RSRC2: variants seen among roughly 807,000 people sequenced by gnomAD.
RSRC2 encodes arginine and serine rich coiled-coil 2, also known as arginine/serine-rich coiled-coil protein 2.
A neutral mutation model predicts 61.3 loss-of-function variants in RSRC2; 5 were observed. The observed-to-expected ratio is 0.08, with a 90% confidence interval of 0.04 to 0.17. The LOEUF is 0.17. RSRC2 is among the 10% of genes least tolerant of loss of function. RSRC2 has a pLI of 1.00. For missense variants in RSRC2, 381 were observed against 518.8 expected (o/e 0.73, Z 2.58); for synonymous variants, 202 against 166.5 (o/e 1.21, Z -1.64).
At chr12:122,519,613 T>A (rs1226200396) in intron 3 of RSRC2, 1 of 153,910 alleles carries the variant, frequency 6.5e-6, no homozygotes, top group Non-Finnish European at 1.4e-5. Context: ...AGCAATCACT[T>A]TTCATCTTGC....
intron 9 of RSRC2, chr12:122,506,511 G>A (rs570777604): frequency 1.6e-4 from 34 of 218,564 alleles, no homozygotes; most frequent in African/African-American, 5.5e-4. Context: ...TTGAGAGGCC[G>A]AGGTGGAAGG....
At chr12:122,509,609 C>G (rs1426358655) in intron 7 of RSRC2, among the ~76,000 whole-genome samples, 1 of 151,958 alleles carries the variant, frequency 6.6e-6, no homozygotes, top group African/African-American at 2.4e-5. Flanking sequence ...TTTGTCAGTC[C>G]AGAATATAAC....
In RSRC2 at chr12:122,526,890, T is replaced by G; in HGVS notation, c.-37A>C. ...CCGGCCGCTAGAGCGGCGCCTCCAC[T>G]TGTCGCTTTCAACAGTACCGGCCGC... On this transcript the variant is annotated 5_prime_UTR_variant, in exon 1 of 10. Coordinates refer to ENST00000331738, the MANE Select transcript of RSRC2 (RefSeq NM_023012.6). 6.2e-7 allele frequency: 1 copy of G among 1,613,772 alleles called. No homozygotes were observed. The highest frequency in any genetic ancestry group is 2.2e-5 in the East Asian group (1 of 44,878).
intron 8 of RSRC2, chr12:122,507,359 G>A (rs1265893206): frequency 6.1e-6 from 1 of 165,214 alleles, no homozygotes; most frequent in Non-Finnish European, 1.3e-5. Flanking sequence ...TCCAGCCTGG[G>A]TGACAAGAGC....
chr12:122,508,529 A>C (rs1386639109), intron 7 of RSRC2, 82 bp from the exon 8 acceptor site: 6 of 1,139,742 alleles, frequency 5.3e-6, no homozygotes, highest in Non-Finnish European at 6.3e-6. Context: ...AACGATTTAT[A>C]AAAAGCTATG....
chr12:122,511,768 C>T (rs1958530124), intron 6 of RSRC2, among the ~76,000 whole-genome samples: 1 of 152,096 alleles, frequency 6.6e-6, no homozygotes, highest in African/African-American at 2.4e-5. Flanking sequence ...TTATCATTTA[C>T]AAAGGAACTA....
chr12:122,520,877 C>T (rs940934524), intron 3 of RSRC2: 6 of 250,958 alleles, frequency 2.4e-5, no homozygotes, highest in South Asian at 2.1e-4. Context: ...TTGGTGTCAC[C>T]GCCACCTTTT....
intron 6 of RSRC2, among the ~76,000 whole-genome samples, 157 bp from the exon 7 acceptor site, chr12:122,511,345 C>G (rs1958494120): frequency 6.6e-6 from 1 of 152,146 alleles, no homozygotes; most frequent in Admixed American, 6.5e-5. Flanking sequence ...AAAAAGCAAT[C>G]ATTCTTAAGA....
chr12:122,516,589 A>G (rs1958946253), intron 5 of RSRC2, among the ~76,000 whole-genome samples: 1 of 152,244 alleles, frequency 6.6e-6, no homozygotes, highest in Non-Finnish European at 1.5e-5. Context: ...AGATGAGCTA[A>G]TAACATGCAA....
chr12:122,503,774 A>G lies in RSRC2; in HGVS notation c.*1753T>C, dbSNP rs1265702828. 1 of 152,218 alleles carries G rather than the reference A, an allele frequency of 6.6e-6. No homozygotes were observed. The highest frequency in any genetic ancestry group is 2.4e-5 in the African/African-American group (1 of 41,456). The allele number at this position is 152,218 out of a possible 1,614,324, so 9.4% of individuals were successfully genotyped here. A position where few individuals can be genotyped will look rare whatever the true frequency, so the allele number is the denominator to read the frequency against. On this transcript the variant is annotated 3_prime_UTR_variant, in exon 10 of 10. Transcript: ENST00000331738. ...GCTCTGGGAAAATGAAAGGTTTATT[A>G]AAGTACATTAAAAATCTTACAATCT... is the stretch of plus-strand genomic sequence containing the variant.
chr12:122,526,849 G>A lies in RSRC2; in HGVS notation c.5C>T (p.Ala2Val). Residue 2 changes from alanine (A) to valine (V), a missense_variant and splice_region_variant, in exon 1 of 10, where the codon GCG becomes GTG. Ala to Val is a moderately conservative substitution (Grantham distance 64). Coordinates refer to ENST00000331738, the MANE Select transcript of RSRC2 (RefSeq NM_023012.6). ...TTTAAACTCAGATTCGGTACCTACCGCCATAGTTCAGAGTCCCGGCCGCTA... is the reference window on the plus strand; with the variant it reads ...TTTAAACTCAGATTCGGTACCTACCACCATAGTTCAGAGTCCCGGCCGCTA... M[A>V]ASDTERDGLA... The A allele has an allele frequency of 1.2e-6, 2 of 1,614,166 alleles. No homozygotes were observed. The highest frequency in any genetic ancestry group is 1.7e-6 in the Non-Finnish European group (2 of 1,179,986).
At chr12:122,525,148 TG>T (rs1959899276) in intron 1 of RSRC2, among the ~76,000 whole-genome samples, 1 of 151,528 alleles carries the variant, frequency 6.6e-6, no homozygotes, top group South Asian at 2.1e-4. Context: ...CCGAGGCGGG[TG>T]GATCATCTGA....
At chr12:122,525,490 TCACCTAAATAATA>T (rs1428444923) in intron 1 of RSRC2, among the ~76,000 whole-genome samples, 6 of 152,040 alleles carry the variant, frequency 3.9e-5, no homozygotes, top group Non-Finnish European at 7.4e-5. Flanking sequence ...TTAAACTCAA[TCACCTAAATAATA>T]GAGGGGTATG....
At chr12:122,526,549 G>A (rs1328803591) in intron 1 of RSRC2, among the ~76,000 whole-genome samples, 1 of 152,070 alleles carries the variant, frequency 6.6e-6, no homozygotes, top group Non-Finnish European at 1.5e-5. Context: ...TAAATCACTA[G>A]CCAGGGTGAA....
intron 7 of RSRC2, among the ~76,000 whole-genome samples, chr12:122,510,901 A>C (rs944076067): frequency 1.0e-5 from 1 of 96,790 alleles, no homozygotes; most frequent in Non-Finnish European, 2.0e-5. Context: ...GAAAAAAATT[A>C]GCCATGCATG....
intron 1 of RSRC2, chr12:122,523,341 C>T (rs1396355813): frequency 6.6e-6 from 1 of 152,092 alleles, no homozygotes; most frequent in African/African-American, 2.4e-5. Flanking sequence ...CATGGTAAAA[C>T]CCTGCTTCTA....
At chr12:122,522,073 C>T (rs1959280605) in intron 2 of RSRC2, 70 bp downstream of exon 2, 4 of 1,447,298 alleles carry the variant, frequency 2.8e-6, no homozygotes, top group Non-Finnish European at 3.7e-6. Flanking sequence ...ATGTATGTGT[C>T]TTCTTATACA....
At chr12:122,512,233 C>T (rs1958577053) in intron 6 of RSRC2, among the ~76,000 whole-genome samples, 1 of 152,192 alleles carries the variant, frequency 6.6e-6, no homozygotes, top group African/African-American at 2.4e-5. Flanking sequence ...TAGCAAATAA[C>T]AAGTAACATT....
intron 9 of RSRC2, chr12:122,506,589 G>C (rs888666007): frequency 5.0e-6 from 2 of 397,812 alleles, no homozygotes; most frequent in African/African-American, 4.1e-5. Flanking sequence ...CAGCCCAAGT[G>C]ACAGAGCAAG....
Sources: gnomAD v4.1 joint callset for allele counts (sites outside exome capture counted in the v4.1 genomes callset) on GRCh38, gnomAD v4.1.1 for gene constraint, MANE v1.5 for transcripts, NCBI Gene and HGNC (gene_info 2026-07-23, HGNC 2026-07-21) for gene names.